The following RBFOX1 variants were observed in gnomAD, a reference collection of about 807,000 sequenced individuals.
The protein encoded by RBFOX1 is RNA binding protein fox-1 homolog 1.
Under a neutral mutation model 57.7 loss-of-function variants are expected in RBFOX1, and 8 were observed. The observed-to-expected ratio is 0.14, with a 90% confidence interval of 0.08 to 0.25. The LOEUF is 0.25. Ranked by LOEUF, RBFOX1 falls within the 10% of genes least tolerant of loss-of-function variation. The probability of loss-of-function intolerance (pLI) is 1.00; values close to 1 mark genes in which losing one functional copy is unlikely to be tolerated. For synonymous variants in RBFOX1, 326 were observed against 222.4 expected (o/e 1.47, Z -4.15); for missense variants, 611 against 548.5 (o/e 1.11, Z -1.14).
intron 1 of RBFOX1, among the ~76,000 whole-genome samples, chr16:6,169,047 A>G (rs529190979): frequency 8.5e-5 from 13 of 152,200 alleles, no homozygotes; most frequent in African/African-American, 1.2e-4. Flanking sequence ...TGAGCGTCAT[A>G]TAAACCATGT....
chr16:6,496,828 C>T (rs777059348), intron 2 of RBFOX1, among the ~76,000 whole-genome samples: 31 of 151,926 alleles, frequency 2.0e-4, no homozygotes, highest in Non-Finnish European at 4.0e-4. Context: ...GGTGTGATGG[C>T]GGGTGCCTGT....
intron 4 of RBFOX1, among the ~76,000 whole-genome samples, chr16:5,918,974 C>A (rs1000813265): frequency 1.2e-4 from 19 of 152,194 alleles, no homozygotes; most frequent in Non-Finnish European, 2.4e-4. Context: ...ACAGTGGACA[C>A]AAGGAGGCGC....
chr16:6,888,196 C>G (rs1603636847), intron 3 of RBFOX1, among the ~76,000 whole-genome samples: 1 of 151,772 alleles, frequency 6.6e-6, no homozygotes, highest in Admixed American at 6.6e-5. Flanking sequence ...ATTTCTTTAC[C>G]CAAAAAATAA....
At position 7,519,732 on chromosome 16, in the gene RBFOX1, C is replaced by G. The variant is rs112417221; in HGVS notation, c.270+1343C>G. 7.3e-3 allele frequency: 7,190 copies of G among 984,202 alleles called. 35 individuals carry two copies. The highest frequency in any genetic ancestry group is 8.4e-3 in the Non-Finnish European group (6,926 of 828,834). 61.0% of individuals were successfully genotyped at this position (984,202 alleles called of 1,614,324 possible). On this transcript the variant is annotated intron_variant, in intron 5 of 15. Transcript: ENST00000550418. ...TGAGTGTAAGGCAATTCTGCCTCTT[C>G]GTCCTGTCCCAAGACCTCAGGAAAG... is the stretch of plus-strand genomic sequence containing the variant.
intron 2 of RBFOX1, among the ~76,000 whole-genome samples, chr16:6,566,682 C>T (rs2097271256): frequency 6.6e-6 from 1 of 152,172 alleles, no homozygotes; most frequent in Non-Finnish European, 1.5e-5. Context: ...TCTCCACAGG[C>T]TAAATCAGTA....
chr16:5,849,428 G>C (rs1450963630), intron 3 of RBFOX1, among the ~76,000 whole-genome samples: 1 of 152,044 alleles, frequency 6.6e-6, no homozygotes, highest in Non-Finnish European at 1.5e-5. Context: ...TGATGCATTT[G>C]CTACAATCCT....
rs73525982 is a variant in RBFOX1, at chr16:6,099,831, C to G, written c.-127+79839C>G. On this transcript the variant is annotated intron_variant, in intron 1 of 15. Transcript: ENST00000550418. Reference sequence around the variant, plus strand: ...CTTCCCTTTTCTCAAAGACCTCACCCTAATTTAAGAGAACATGAATAACAA... The same window carrying G: ...CTTCCCTTTTCTCAAAGACCTCACCGTAATTTAAGAGAACATGAATAACAA... Among the ~76,000 whole-genome samples, 1,076 of 152,226 alleles carry G rather than the reference C, an allele frequency of 7.1e-3. 11 individuals carry two copies. Among genetic ancestry groups the G allele is most frequent in the African/African-American group, 0.025 (1,027 of 41,530 alleles).
rs571486325 is a variant in RBFOX1, at chr16:5,861,738, C to T, written c.319-5565C>T. 3.8e-3 allele frequency among the ~76,000 whole-genome samples: 578 copies of T among 152,306 alleles called. 4 individuals are homozygous for T. Among genetic ancestry groups the T allele is most frequent in the Middle Eastern group, 0.031 (9 of 294 alleles). Reference sequence around the variant, plus strand: ...TTGCTATTGGAATTCACCTGATCACCAGAGGCATTAGCAGATGATTTCATT... The same window carrying T: ...TTGCTATTGGAATTCACCTGATCACTAGAGGCATTAGCAGATGATTTCATT... On this transcript the variant is annotated intron_variant, in intron 3 of 19. Transcript: ENST00000641259.
At chr16:7,042,842 C>G (rs1447102482) in intron 3 of RBFOX1, among the ~76,000 whole-genome samples, 3 of 152,188 alleles carry the variant, frequency 2.0e-5, no homozygotes, top group African/African-American at 4.8e-5. Flanking sequence ...AGGAGAATCA[C>G]TTGAACCTGG....
At chr16:7,419,821 T>G (rs17143645) in intron 4 of RBFOX1, among the ~76,000 whole-genome samples, 36,102 of 152,002 alleles carry the variant, frequency 0.24, 4,492 homozygotes, top group African/African-American at 0.3. Context: ...TTTTTCCAGA[T>G]GCCTAATGGA....
intron 4 of RBFOX1, among the ~76,000 whole-genome samples, chr16:7,379,756 G>A (rs533010203): frequency 6.6e-6 from 1 of 150,576 alleles, no homozygotes; most frequent in Non-Finnish European, 1.5e-5. Context: ...TTGCCTGCCT[G>A]CCTGCCTGCC....
chr16:7,243,504 C>G (rs1291492414), intron 4 of RBFOX1, among the ~76,000 whole-genome samples: 2 of 152,272 alleles, frequency 1.3e-5, no homozygotes, highest in African/African-American at 4.8e-5. Context: ...TGTGGCTAAG[C>G]AGAAGGGCTC....
chr16:6,151,337 G>C (rs2096796272), intron 1 of RBFOX1, among the ~76,000 whole-genome samples: 1 of 152,166 alleles, frequency 6.6e-6, no homozygotes, highest in African/African-American at 2.4e-5. Context: ...CCAGGCTGGA[G>C]TGCAGTGGCA....
chr16:6,666,937 G>T (rs2098736817), intron 3 of RBFOX1, among the ~76,000 whole-genome samples: 1 of 152,144 alleles, frequency 6.6e-6, no homozygotes, highest in African/African-American at 2.4e-5. Flanking sequence ...TGCCTCACTT[G>T]CCAGCACAGC....
chr16:6,578,730 A>T (rs1468030519), intron 2 of RBFOX1, among the ~76,000 whole-genome samples: 4 of 152,144 alleles, frequency 2.6e-5, no homozygotes, highest in Non-Finnish European at 5.9e-5. Context: ...ATTTATTTCA[A>T]GTCAGTTATC....
At chr16:7,662,745 C>T (rs1020899248) in intron 12 of RBFOX1, among the ~76,000 whole-genome samples, 1 of 152,188 alleles carries the variant, frequency 6.6e-6, no homozygotes, top group African/African-American at 2.4e-5. Context: ...ATGGTGACCT[C>T]GTTAGAGCTA....
chr16:7,135,964 C>T (rs545296450), intron 4 of RBFOX1, among the ~76,000 whole-genome samples: 2 of 152,316 alleles, frequency 1.3e-5, no homozygotes, highest in South Asian at 2.1e-4. Context: ...AGATCCATAA[C>T]AGTTGCATTC....
intron 4 of RBFOX1, among the ~76,000 whole-genome samples, chr16:5,950,382 C>G (rs538266255): frequency 3.3e-5 from 5 of 152,262 alleles, no homozygotes; most frequent in Admixed American, 3.3e-4. Context: ...TTTTAGCACC[C>G]ACTTATGATA....
At chr16:6,993,894 A>G (rs555679551) in intron 3 of RBFOX1, among the ~76,000 whole-genome samples, 1 of 152,164 alleles carries the variant, frequency 6.6e-6, no homozygotes, top group Non-Finnish European at 1.5e-5. Context: ...GACAACATTA[A>G]TGTATCTCAT....
Sources: allele counts gnomAD v4.1 joint callset (sites outside exome capture counted in the v4.1 genomes callset), GRCh38; gene constraint gnomAD v4.1.1; transcripts MANE v1.5; gene names NCBI Gene and HGNC (gene_info 2026-07-23, HGNC 2026-07-21).